The following LY6S variants were observed in gnomAD, a reference collection of about 807,000 sequenced individuals.
The protein encoded by LY6S is lymphocyte antigen 6 family member S, also known as lymphocyte antigen 6S.
At chr8:143,057,157 A>G in the LY6S span, 1 of 360,916 alleles carries the variant, frequency 2.8e-6, no homozygotes, top group Non-Finnish European at 5.6e-6. Context: ...TGTTCCGGAG[A>G]ATGTTTCCAA....
chr8:143,053,544 C>T, the LY6S span: 25,353 of 152,132 alleles, frequency 0.17, 2,745 homozygotes, highest in Non-Finnish European at 0.25. Context: ...CTCCCTGGCC[C>T]GCAGGATAGG....
At chr8:143,057,670 G>T in the LY6S span, 1 of 888,772 alleles carries the variant, frequency 1.1e-6, no homozygotes, top group Non-Finnish European at 1.9e-6. Flanking sequence ...AGACTCAGCC[G>T]CTGGCGGGAT....
At chr8:143,044,941 C>T in the LY6S span, 1 of 831,460 alleles carries the variant, frequency 1.2e-6, no homozygotes, top group South Asian at 1.8e-5. Context: ...TTGCAATAGC[C>T]CCACACACCT....
chr8:143,044,842 G>T, the LY6S span: 42 of 1,349,572 alleles, frequency 3.1e-5, no homozygotes, highest in Non-Finnish European at 4.1e-5. Context: ...CACATGCCAG[G>T]ACATACACCA....
the LY6S span, among the ~76,000 whole-genome samples, chr8:143,052,125 C>T: frequency 5.4e-5 from 8 of 149,288 alleles, no homozygotes; most frequent in African/African-American, 2.0e-4. Context: ...ACTAAAAATA[C>T]AAAAAATTAG....
the LY6S span, among the ~76,000 whole-genome samples, chr8:143,072,091 G>T: frequency 6.6e-6 from 1 of 151,384 alleles, no homozygotes; most frequent in South Asian, 2.1e-4. Flanking sequence ...CCTTTATTTT[G>T]CCCTCATTTG....
the LY6S span, among the ~76,000 whole-genome samples, chr8:143,073,330 T>C: frequency 9.4e-4 from 91 of 96,954 alleles, 1 homozygote; most frequent in Middle Eastern, 0.012. Context: ...GCCGTCATCC[T>C]CGGGGTTCCT....
the LY6S span, among the ~76,000 whole-genome samples, chr8:143,052,369 G>A: frequency 6.6e-6 from 1 of 152,140 alleles, no homozygotes; most frequent in Non-Finnish European, 1.5e-5. Flanking sequence ...CAAGGGCCTG[G>A]CAACCACAAT....
the LY6S span, among the ~76,000 whole-genome samples, chr8:143,040,913 C>A: frequency 1.3e-5 from 2 of 152,096 alleles, no homozygotes; most frequent in Admixed American, 1.3e-4. Flanking sequence ...AGCCGTAAAA[C>A]CAGCAAATTT....
chr8:143,048,352 G>A, the LY6S span, among the ~76,000 whole-genome samples: 13,409 of 152,144 alleles, frequency 0.088, 1,992 homozygotes, highest in African/African-American at 0.31. Context: ...TTGGTTTCAC[G>A]CCTTTCTGGC....
the LY6S span, among the ~76,000 whole-genome samples, chr8:143,052,648 T>C: frequency 7.2e-5 from 11 of 152,128 alleles, no homozygotes; most frequent in Non-Finnish European, 1.6e-4. Flanking sequence ...CCTCCCCCGC[T>C]CCTTGCAGCT....
the LY6S span, chr8:143,065,904 G>T: frequency 4.2e-6 from 1 of 240,230 alleles, no homozygotes; most frequent in South Asian, 5.7e-5. Context: ...AGTCTTTAAG[G>T]ACTCAGTTCC....
At chr8:143,055,876 C>T in the LY6S span, among the ~76,000 whole-genome samples, 1 of 152,084 alleles carries the variant, frequency 6.6e-6, no homozygotes, top group Non-Finnish European at 1.5e-5. Flanking sequence ...AGTTCTTTCT[C>T]CTTACAGTAA....
chr8:143,043,220 G>A, the LY6S span: 1 of 1,367,350 alleles, frequency 7.3e-7, no homozygotes. Context: ...CATTGCAGAG[G>A]TCTCCCTTGC....
At chr8:143,057,425 T>C in the LY6S span, 7,123 of 482,068 alleles carry the variant, frequency 0.015, 181 homozygotes, top group East Asian at 0.063. Context: ...ACATTTTGTA[T>C]TTTTAGTAGA....
At chr8:143,059,903 G>A in the LY6S span, 1 of 152,240 alleles carries the variant, frequency 6.6e-6, no homozygotes, top group Non-Finnish European at 1.5e-5. Context: ...AAGGGCACAA[G>A]CTGTTCCAGT....
At chr8:143,061,630 C>T in the LY6S span, among the ~76,000 whole-genome samples, 1 of 152,202 alleles carries the variant, frequency 6.6e-6, no homozygotes, top group South Asian at 2.1e-4. Context: ...CTGCAAACTC[C>T]ACCTCCCGGG....
chr8:143,074,895 G>C, the LY6S span, among the ~76,000 whole-genome samples: 1 of 152,170 alleles, frequency 6.6e-6, no homozygotes, highest in Non-Finnish European at 1.5e-5. Flanking sequence ...TGCGAGAAAG[G>C]GGCCCCCCAA....
the LY6S span, among the ~76,000 whole-genome samples, chr8:143,072,122 A>G: frequency 6.6e-6 from 1 of 151,574 alleles, no homozygotes; most frequent in Non-Finnish European, 1.5e-5. Context: ...TTTAAATAGT[A>G]TCAGAATCCA....
Sources: gnomAD v4.1 joint callset for allele counts (sites outside exome capture counted in the v4.1 genomes callset) on GRCh38, gnomAD v4.1.1 for gene constraint, MANE v1.5 for transcripts, NCBI Gene and HGNC (gene_info 2026-07-23, HGNC 2026-07-21) for gene names.